Variants in TMTC1 observed in about 807,000 individuals in gnomAD.
The protein encoded by TMTC1 is protein O-mannosyl-transferase TMTC1.
Under a neutral mutation model 104.8 loss-of-function variants are expected in TMTC1, and 73 were observed. The observed-to-expected ratio is 0.70, with a 90% CI of 0.58 to 0.85. The LOEUF is 0.85. TMTC1 is among the 40% of genes least tolerant of loss of function. The probability of loss-of-function intolerance (pLI) is 0.00; values close to 1 mark genes in which losing one functional copy is unlikely to be tolerated. For missense variants in TMTC1, 1,035 were observed against 1,096.1 expected, an observed-to-expected ratio of 0.94 and a Z score of 0.79; for synonymous variants, 434 against 428.7, an observed-to-expected ratio of 1.01 and a Z score of -0.15.
At chr12:29,541,298 A>G (rs1293788850) in intron 10 of TMTC1, among the ~76,000 whole-genome samples, 1 of 152,100 alleles carries the variant, frequency 6.6e-6, no homozygotes, top group Non-Finnish European at 1.5e-5. Flanking sequence ...CCACCTTACC[A>G]CTATATGGTA....
At chr12:29,623,415 T>C (rs1937782757) in intron 6 of TMTC1, among the ~76,000 whole-genome samples, 1 of 152,164 alleles carries the variant, frequency 6.6e-6, no homozygotes, top group African/African-American at 2.4e-5. Context: ...GGTGTCCTGG[T>C]TGATGATGAA....
chr12:29,516,118 C>CATACCACATAA (rs1273760257), intron 15 of TMTC1, among the ~76,000 whole-genome samples: 1 of 151,882 alleles, frequency 6.6e-6, no homozygotes, highest in Non-Finnish European at 1.5e-5. Flanking sequence ...CAAACTAAGA[C>CATACCACATAA]AATACCACAT....
At chr12:29,584,896 A>C (rs566231064) in intron 7 of TMTC1, among the ~76,000 whole-genome samples, 27 of 151,034 alleles carry the variant, frequency 1.8e-4, no homozygotes, top group African/African-American at 6.6e-4. Context: ...GCCACAATAA[A>C]CATACGTGTG....
At chr12:29,523,428 T>C (rs760908469) in intron 11 of TMTC1, among the ~76,000 whole-genome samples, 3 of 152,224 alleles carry the variant, frequency 2.0e-5, no homozygotes, top group East Asian at 1.9e-4. Context: ...CAGCTGGCTG[T>C]CTTGATTGGC....
chr12:29,566,691 G>GT (rs1238759045), intron 9 of TMTC1, among the ~76,000 whole-genome samples: 1 of 152,188 alleles, frequency 6.6e-6, no homozygotes, highest in African/African-American at 2.4e-5. Flanking sequence ...TTCTGTGTGT[G>GT]TTAGTCATAT....
intron 2 of TMTC1, among the ~76,000 whole-genome samples, chr12:29,767,695 C>G (rs10771580): frequency 0.39 from 59,758 of 151,684 alleles, 12,246 homozygotes; most frequent in Admixed American, 0.54. Flanking sequence ...TATATATAAA[C>G]ATAAACACTT....
chr12:29,607,754 T>A (rs1946740870), intron 6 of TMTC1, among the ~76,000 whole-genome samples: 2 of 152,128 alleles, frequency 1.3e-5, no homozygotes. Context: ...GGCAATATTA[T>A]CCCTTCCATC....
chr12:29,517,452 G>A lies in TMTC1; in HGVS notation c.2144C>T (p.Ser715Phe). ...IYQEAAALQPSQRELRLALAQ... is the reference protein window; with the variant it reads ...IYQEAAALQPFQRELRLALAQ... ...CAGTGCCAAGCGGAGCTCCCTCTGA[G>A]AAGGCTGAAGTGCTGCAGCTTCCTG... Residue 715 changes from serine (S) to phenylalanine (F), a missense_variant, in exon 14 of 18, where the codon TCT becomes TTT. By Grantham distance (155) the Ser-to-Phe change is radical (BLOSUM62 -2). Coordinates refer to ENST00000539277, the MANE Select transcript of TMTC1 (RefSeq NM_001193451.2). 1 of 1,614,138 alleles carries A rather than the reference G, an allele frequency of 6.2e-7. No individual in the cohort carries two copies. Among genetic ancestry groups the A allele is most frequent in the Non-Finnish European group, 8.5e-7 (1 of 1,180,032 alleles).
At chr12:29,735,750 G>A (rs1000718017) in intron 5 of TMTC1, among the ~76,000 whole-genome samples, 1 of 152,172 alleles carries the variant, frequency 6.6e-6, no homozygotes, top group Non-Finnish European at 1.5e-5. Flanking sequence ...CACTGTTGGT[G>A]CAGATGCAGC....
chr12:29,754,109 C>A (rs1943157045), intron 4 of TMTC1, among the ~76,000 whole-genome samples: 1 of 151,616 alleles, frequency 6.6e-6, no homozygotes, highest in Non-Finnish European at 1.5e-5. Flanking sequence ...TCATGATCTG[C>A]CGGCCTTGGC....
At chr12:29,590,048 C>T (rs1350737895) in intron 7 of TMTC1, among the ~76,000 whole-genome samples, 2 of 152,228 alleles carry the variant, frequency 1.3e-5, no homozygotes, top group African/African-American at 4.8e-5. Context: ...CAGTCTTTGT[C>T]GTTAGCATTC....
chr12:29,628,070 TC>T (rs2136486380), intron 6 of TMTC1, among the ~76,000 whole-genome samples: 1 of 152,364 alleles, frequency 6.6e-6, no homozygotes. Flanking sequence ...CTATTCTTTG[TC>T]CAATCCAGCT....
At chr12:29,628,001 T>C (rs955522829) in intron 6 of TMTC1, among the ~76,000 whole-genome samples, 6 of 152,228 alleles carry the variant, frequency 3.9e-5, no homozygotes, top group Admixed American at 2.6e-4. Context: ...CAGACCTTGT[T>C]AAAGTAACTC....
At chr12:29,575,193 G>C (rs946400388) in intron 8 of TMTC1, among the ~76,000 whole-genome samples, 6 of 152,114 alleles carry the variant, frequency 3.9e-5, no homozygotes, top group African/African-American at 1.4e-4. Flanking sequence ...GTGGCAGGGG[G>C]AATGATAAAA....
chr12:29,646,800 A>G (rs772385144), intron 5 of TMTC1, among the ~76,000 whole-genome samples: 6 of 152,184 alleles, frequency 3.9e-5, no homozygotes, highest in Non-Finnish European at 8.8e-5. Flanking sequence ...CCGGGGACAC[A>G]GTTTTTGCCC....
At chr12:29,686,959 T>C (rs181235000) in intron 5 of TMTC1, among the ~76,000 whole-genome samples, 1 of 151,980 alleles carries the variant, frequency 6.6e-6, no homozygotes, top group Admixed American at 6.6e-5. Context: ...ATAGCATGTT[T>C]TAATACATAT....
chr12:29,518,276 A>G (rs1216179042), intron 13 of TMTC1, among the ~76,000 whole-genome samples, 196 bp downstream of exon 13: 1 of 152,218 alleles, frequency 6.6e-6, no homozygotes, highest in African/African-American at 2.4e-5. Flanking sequence ...ACTATAGTCT[A>G]ACCAGCAAGC....
At chr12:29,601,856 T>C (rs1354169622) in intron 7 of TMTC1, among the ~76,000 whole-genome samples, 1 of 148,990 alleles carries the variant, frequency 6.7e-6, no homozygotes, top group East Asian at 1.9e-4. Flanking sequence ...TTTTTTTTTT[T>C]AGACGGAGTC....
intron 6 of TMTC1, 138 bp from the exon 7 acceptor site, chr12:29,604,437 G>T: frequency 8.3e-7 from 1 of 1,199,702 alleles, no homozygotes; most frequent in Non-Finnish European, 1.2e-6. Context: ...TGACCGGCGT[G>T]CTGAATTTAA....
Sources: gnomAD v4.1 joint callset for allele counts (sites outside exome capture counted in the v4.1 genomes callset) on GRCh38, gnomAD v4.1.1 for gene constraint, MANE v1.5 for transcripts, NCBI Gene and HGNC (gene_info 2026-07-23, HGNC 2026-07-21) for gene names.